Variants in GOLGA4 observed in about 807,000 individuals in gnomAD.
GOLGA4 encodes golgin subfamily A member 4.
GOLGA4 carries 169 observed loss-of-function variants against 265.9 expected under a neutral mutation model. The observed-to-expected ratio is 0.64, with a 90% confidence interval of 0.56 to 0.72. The LOEUF is 0.72. Ranked by LOEUF, GOLGA4 falls within the 30% of genes least tolerant of loss-of-function variation. GOLGA4 has a pLI of 0.00. For missense variants in GOLGA4, 2,482 were observed against 2,483.4 expected (o/e 1.00, Z 0.01); for synonymous variants, 923 against 855.8 (o/e 1.08, Z -1.37).
intron 5 of GOLGA4, among the ~76,000 whole-genome samples, chr3:37,294,630 A>C (rs1181597548): frequency 6.6e-6 from 1 of 151,606 alleles, no homozygotes; most frequent in Admixed American, 6.6e-5. Flanking sequence ...CAAGTGATCC[A>C]CCCTCCTCGG....
At chr3:37,253,501 G>A (rs1431326590) in intron 2 of GOLGA4, among the ~76,000 whole-genome samples, 6 of 152,048 alleles carry the variant, frequency 3.9e-5, no homozygotes, top group Non-Finnish European at 5.9e-5. Context: ...AGCTTAAAAA[G>A]CAAGGAGATG....
intron 20 of GOLGA4, among the ~76,000 whole-genome samples, chr3:37,340,624 CAGTCCCTT>C (rs1004817718): frequency 6.6e-6 from 1 of 152,194 alleles, no homozygotes; most frequent in Non-Finnish European, 1.5e-5. Context: ...CCACCCCCCA[CAGTCCCTT>C]ATAACCACCA....
rs1463538832 is a variant in GOLGA4, at chr3:37,282,275, A to G, written c.477+3A>G. ...GCTACAGGGGAAAATATTCTGAGGT[A>G]GGAGCATGACCTTTTTGCCTGTACA... On this transcript the variant is annotated splice_donor_region_variant and intron_variant, in intron 3 of 23. Transcript: ENST00000361924. 3.7e-6 allele frequency: 6 copies of G among 1,611,316 alleles called. No homozygotes were observed. Among genetic ancestry groups the G allele is most frequent in the Non-Finnish European group, 5.1e-6 (6 of 1,177,864 alleles).
intron 9 of GOLGA4, among the ~76,000 whole-genome samples, chr3:37,299,928 G>A (rs1305779904): frequency 6.6e-6 from 1 of 151,586 alleles, no homozygotes; most frequent in Non-Finnish European, 1.5e-5. Flanking sequence ...GTATATGCCT[G>A]TGGTCCCAGC....
At position 37,325,838 on chromosome 3, in the gene GOLGA4, A is replaced by T; in HGVS notation, c.3952A>T (p.Thr1318Ser). 1 of 1,613,578 alleles carries T rather than the reference A, an allele frequency of 6.2e-7. No individual in the cohort carries two copies. The highest frequency in any genetic ancestry group is 8.5e-7 in the Non-Finnish European group (1 of 1,179,636). ...SMKADIESLV[T>S]EKEALQKEGG... ...GAAGGCTGATATTGAAAGTCTTGTA[A>T]CAGAAAAAGAAGCCTTACAGAAGGA... Residue 1318 changes from threonine to serine, a missense_variant, in exon 14 of 24, where the codon ACA (threonine) becomes TCA (serine). Thr to Ser is a moderately conservative substitution (Grantham distance 58). Transcript: ENST00000361924.
Position 37,302,327 on chromosome 3 carries a change from G to A in GOLGA4, c.1229G>A (p.Arg410Lys). Residue 410 changes from arginine (R) to lysine (K), a missense_variant, in exon 10 of 24, where the codon AGA becomes AAA. Physicochemically the swap from Arg to Lys is conservative, Grantham distance 26 (BLOSUM62 2). Coordinates refer to ENST00000361924, the MANE Select transcript of GOLGA4 (RefSeq NM_002078.5). ...CGGGAACAGAAAGAAAAGTCCGAAA[G>A]AGCTGGTAAGAACTTGAGGGTTACT... Reference protein sequence around the residue: ...ELREQKEKSERAAFEELEKAL... With the variant: ...ELREQKEKSEKAAFEELEKAL... The A allele has an allele frequency of 6.2e-7, 1 of 1,613,192 alleles. No individual in the cohort carries two copies. The highest frequency in any genetic ancestry group is 1.7e-5 in the Admixed American group (1 of 59,870).
At chr3:37,350,901 G>C (rs1441588362) in intron 21 of GOLGA4, among the ~76,000 whole-genome samples, 1 of 152,110 alleles carries the variant, frequency 6.6e-6, no homozygotes, top group East Asian at 1.9e-4. Context: ...ATTTTTGCTA[G>C]TGGAGGATAT....
At chr3:37,323,494 G>A (rs189824357) in intron 13 of GOLGA4, 94 bp from the exon 14 acceptor site, 24 of 689,948 alleles carry the variant, frequency 3.5e-5, no homozygotes, top group Admixed American at 5.3e-5. Flanking sequence ...TGATAATTTT[G>A]ATCTTCAGGT....
chr3:37,243,966 A>C, intron 1 of GOLGA4: 3 of 259,446 alleles, frequency 1.2e-5, no homozygotes, highest in Non-Finnish European at 2.2e-5. Context: ...CTGAGACCCC[A>C]CGCTGGGAAT....
At position 37,243,643 on chromosome 3, in the gene GOLGA4, C is replaced by T. The variant is rs773721498; in HGVS notation, c.72+21C>T. On this transcript the variant is annotated intron_variant, in intron 1 of 23. Transcript: ENST00000361924. Reference sequence around the variant, plus strand: ...CTCAGGTACGATGGCCGCCGCTCTCCTCCCCTGGTTCCGAATACCTCTTGA... The same window carrying T: ...CTCAGGTACGATGGCCGCCGCTCTCTTCCCCTGGTTCCGAATACCTCTTGA... 1.1e-5 allele frequency: 18 copies of T among 1,601,368 alleles called. No homozygotes were observed. The South Asian group carries it at 1.2e-4, about 11-fold the overall frequency.
intron 1 of GOLGA4, among the ~76,000 whole-genome samples, chr3:37,247,007 C>A (rs1023701764): frequency 2.0e-5 from 3 of 152,126 alleles, no homozygotes; most frequent in Non-Finnish European, 4.4e-5. Context: ...TATTGTAAAT[C>A]CAAGTTTACT....
chr3:37,325,628 T>C lies in GOLGA4; in HGVS notation c.3742T>C (p.Ser1248Pro). ...TAGTAGTAAAACTAATGCCATTCTT[T>C]CTAGGATTTCTCATTGTCAGCACCG... ...ISSSKTNAIL[S>P]RISHCQHRTT... The change falls in exon 14 of 24, where the codon TCT (serine) becomes CCT (proline). Residue 1248 changes from serine (S) to proline (P), a missense_variant. Ser to Pro is a moderately conservative substitution (Grantham distance 74). Transcript: ENST00000361924. The C allele has an allele frequency of 1.2e-6, 2 of 1,613,808 alleles. No individual in the cohort carries two copies. Among genetic ancestry groups the C allele is most frequent in the Non-Finnish European group, 1.7e-6 (2 of 1,179,728 alleles).
At chr3:37,256,785 A>G (rs1176395634) in intron 2 of GOLGA4, among the ~76,000 whole-genome samples, 1 of 152,106 alleles carries the variant, frequency 6.6e-6, no homozygotes, top group East Asian at 1.9e-4. Flanking sequence ...AACTAGGGCA[A>G]ATGAAGCTAA....
At chr3:37,273,957 G>A (rs2096806046) in intron 2 of GOLGA4, among the ~76,000 whole-genome samples, 1 of 152,072 alleles carries the variant, frequency 6.6e-6, no homozygotes, top group Non-Finnish European at 1.5e-5. Flanking sequence ...GAAAAAGTCA[G>A]CCAGGAGTGG....
intron 8 of GOLGA4, 30 bp downstream of exon 8, chr3:37,299,050 TTAATC>T: frequency 1.3e-6 from 2 of 1,528,498 alleles, no homozygotes; most frequent in Non-Finnish European, 1.8e-6. Context: ...TTGTTCTAAT[TTAATC>T]TATAAAGTTA....
Position 37,319,157 on chromosome 3 carries a change from G to A in GOLGA4, c.1508G>A (p.Arg503Gln), listed in dbSNP as rs745917276. The change falls in exon 12 of 24, where the codon CGA (arginine) becomes CAA (glutamine). Residue 503 changes from arginine to glutamine, a missense_variant. Physicochemically the swap from Arg to Gln is conservative, Grantham distance 43 (BLOSUM62 1). Around this residue, in one of 3 missense-constraint regions of GOLGA4, gnomAD observed 1,536 missense variants for 1,483.7 expected, o/e 1.04. Coordinates refer to ENST00000361924, the MANE Select transcript of GOLGA4 (RefSeq NM_002078.5). ...EQELTKKLQT[R>Q]EREFQEQMKV... Reference sequence around the variant, plus strand: ...GAACTGACCAAGAAGCTTCAGACCCGAGAAAGGGAATTTCAGGAACAAATG... The same window carrying A: ...GAACTGACCAAGAAGCTTCAGACCCAAGAAAGGGAATTTCAGGAACAAATG... The A allele has an allele frequency of 1.1e-5, 18 of 1,609,524 alleles. No individual in the cohort carries two copies. The highest frequency in any genetic ancestry group is 9.4e-5 in the African/African-American group (7 of 74,634).
intron 1 of GOLGA4, chr3:37,244,146 GGGGAGT>G (rs1328437953): frequency 6.5e-6 from 1 of 153,076 alleles, no homozygotes; most frequent in Non-Finnish European, 1.5e-5. Context: ...ATTGAAGGCT[GGGGAGT>G]AGAGCCATCC....
At position 37,321,767 on chromosome 3, in the gene GOLGA4, G is replaced by C; in HGVS notation, c.1582G>C (p.Glu528Gln). Reference sequence around the variant, plus strand: ...ATCAGAATATTTGAAGATCAGCCAAGAAAAAGAACAGCAAGAATCTTTGGC... The same window carrying C: ...ATCAGAATATTTGAAGATCAGCCAACAAAAAGAACAGCAAGAATCTTTGGC... Reference protein sequence around the residue: ...SQSEYLKISQEKEQQESLALE... With the variant: ...SQSEYLKISQQKEQQESLALE... Residue 528 changes from glutamate to glutamine, a missense_variant, in exon 13 of 24, where the codon GAA becomes CAA. Glu to Gln is a conservative substitution (Grantham distance 29). This residue lies in a region of GOLGA4 where 1,536 missense variants were observed against 1,483.7 expected (regional missense o/e 1.04). Transcript: ENST00000361924. 3 of 1,611,220 alleles carry C rather than the reference G, an allele frequency of 1.9e-6. No individual in the cohort carries two copies. The highest frequency in any genetic ancestry group is 2.5e-6 in the Non-Finnish European group (3 of 1,179,252).
chr3:37,251,830 G>A (rs560282207), intron 2 of GOLGA4, among the ~76,000 whole-genome samples: 15 of 152,182 alleles, frequency 9.9e-5, no homozygotes, highest in South Asian at 6.2e-4. Flanking sequence ...GACTATAGGC[G>A]CACGCCACCT....
Sources: allele counts gnomAD v4.1 joint callset (sites outside exome capture counted in the v4.1 genomes callset), GRCh38; gene constraint gnomAD v4.1.1; regional missense constraint gnomAD v4.1.1; transcripts MANE v1.5; gene names NCBI Gene and HGNC (gene_info 2026-07-23, HGNC 2026-07-21).